RPS6KC1: variants seen among roughly 807,000 people sequenced by gnomAD.
The protein encoded by RPS6KC1 is inactive ribosomal protein S6 kinase delta-1.
In RPS6KC1, 54 loss-of-function variants were observed where a neutral mutation model predicts 103.8. The ratio of observed to expected loss-of-function variants is 0.52; its 90% CI spans 0.42 to 0.65. RPS6KC1 has a LOEUF of 0.65. Among genes scored for constraint, RPS6KC1 ranks in the 30% least tolerant of loss-of-function variants. The pLI is 0.00. For synonymous variants in RPS6KC1, 439 were observed against 438.7 expected (o/e 1.00, Z -0.01); for missense variants, 1,151 against 1,253.8 (o/e 0.92, Z 1.24).
chr1:213,110,722 GTC>G (rs2082937964), intron 4 of RPS6KC1, among the ~76,000 whole-genome samples: 1 of 152,120 alleles, frequency 6.6e-6, no homozygotes, highest in African/African-American at 2.4e-5. Context: ...CCTGTGCACT[GTC>G]TCATGGTTTG....
chr1:213,824,508 G>T, the RPS6KC1 span, among the ~76,000 whole-genome samples: 4 of 152,126 alleles, frequency 2.6e-5, no homozygotes, highest in Non-Finnish European at 5.9e-5. Context: ...GAACCCTCAG[G>T]CTCATGCATT....
the RPS6KC1 span, among the ~76,000 whole-genome samples, chr1:213,393,075 A>G: frequency 6.6e-6 from 1 of 152,254 alleles, no homozygotes; most frequent in Non-Finnish European, 1.5e-5. Context: ...ATGTGGAAAT[A>G]AAACATTTTT....
chr1:213,136,386 G>A (rs1438508078), intron 6 of RPS6KC1, among the ~76,000 whole-genome samples: 2 of 152,100 alleles, frequency 1.3e-5, no homozygotes, highest in Non-Finnish European at 2.9e-5. Context: ...TATCCCTGAT[G>A]CACTGCATGA....
At chr1:213,696,708 AT>A in the RPS6KC1 span, among the ~76,000 whole-genome samples, 1 of 152,212 alleles carries the variant, frequency 6.6e-6, no homozygotes, top group South Asian at 2.1e-4. Context: ...TTATTCTTCA[AT>A]TAATCAGTTG....
At chr1:213,445,445 T>C in the RPS6KC1 span, among the ~76,000 whole-genome samples, 2 of 152,224 alleles carry the variant, frequency 1.3e-5, no homozygotes, top group Non-Finnish European at 2.9e-5. Context: ...TACCCAATAC[T>C]GTGTATGTTT....
the RPS6KC1 span, among the ~76,000 whole-genome samples, chr1:213,738,655 A>C: frequency 6.6e-6 from 1 of 151,974 alleles, no homozygotes; most frequent in Non-Finnish European, 1.5e-5. Context: ...GCTGATGCAC[A>C]ACAGAAATAA....
chr1:213,698,440 T>C, the RPS6KC1 span, among the ~76,000 whole-genome samples: 2 of 152,230 alleles, frequency 1.3e-5, no homozygotes, highest in African/African-American at 4.8e-5. Context: ...CTGAATGTTA[T>C]ATAACTATTG....
the RPS6KC1 span, among the ~76,000 whole-genome samples, chr1:213,544,063 AAAAG>A: frequency 1.3e-5 from 2 of 152,226 alleles, no homozygotes; most frequent in Non-Finnish European, 2.9e-5. Flanking sequence ...TGTGGAAAGA[AAAAG>A]AAAGAAAAGA....
chr1:213,199,821 T>C (rs2093089341), intron 8 of RPS6KC1, among the ~76,000 whole-genome samples: 2 of 152,154 alleles, frequency 1.3e-5, no homozygotes, highest in African/African-American at 2.4e-5. Context: ...CAAAAATCAC[T>C]AGCATTCCTA....
intron 10 of RPS6KC1, among the ~76,000 whole-genome samples, chr1:213,239,616 A>T (rs1427256999): frequency 2.0e-5 from 3 of 152,152 alleles, no homozygotes; most frequent in Non-Finnish European, 2.9e-5. Context: ...CCCTTGGCAT[A>T]TGATGCTTAA....
the RPS6KC1 span, among the ~76,000 whole-genome samples, chr1:213,733,494 C>A: frequency 1.3e-5 from 2 of 151,188 alleles, no homozygotes; most frequent in African/African-American, 4.9e-5. Flanking sequence ...GCTTTGGCCT[C>A]CCAAAGTGAT....
At chr1:213,284,519 A>C in the RPS6KC1 span, among the ~76,000 whole-genome samples, 1 of 152,188 alleles carries the variant, frequency 6.6e-6, no homozygotes, top group Non-Finnish European at 1.5e-5. Context: ...CAGAAAAAAA[A>C]AAAAAGTGAA....
chr1:213,670,754 A>G, the RPS6KC1 span, among the ~76,000 whole-genome samples: 70,210 of 151,958 alleles, frequency 0.46, 16,808 homozygotes, highest in South Asian at 0.7. Flanking sequence ...TGGTGGGGAC[A>G]GGTTCCACTG....
the RPS6KC1 span, among the ~76,000 whole-genome samples, chr1:213,282,843 G>T: frequency 1.5e-4 from 23 of 152,252 alleles, no homozygotes; most frequent in Non-Finnish European, 2.6e-4. Context: ...CTTCGAGGAT[G>T]CAGGTTATTG....
At chr1:213,470,419 G>GAA in the RPS6KC1 span, among the ~76,000 whole-genome samples, 1 of 152,122 alleles carries the variant, frequency 6.6e-6, no homozygotes, top group Admixed American at 6.5e-5. Context: ...TGACCGGATT[G>GAA]AATGTTTCAC....
At chr1:213,835,565 C>A in the RPS6KC1 span, among the ~76,000 whole-genome samples, 1 of 152,164 alleles carries the variant, frequency 6.6e-6, no homozygotes, top group African/African-American at 2.4e-5. Context: ...GCACTAACAT[C>A]CCTCAAGAAA....
chr1:213,065,521 T>G (rs2078251506), intron 1 of RPS6KC1, among the ~76,000 whole-genome samples: 1 of 152,214 alleles, frequency 6.6e-6, no homozygotes, highest in Non-Finnish European at 1.5e-5. Flanking sequence ...ACTCATGGAT[T>G]TTTGCACTCA....
the RPS6KC1 span, among the ~76,000 whole-genome samples, chr1:213,389,409 A>G: frequency 2.6e-5 from 4 of 152,234 alleles, no homozygotes; most frequent in Non-Finnish European, 4.4e-5. Flanking sequence ...CGGGCAGGCC[A>G]GCCAAATGCT....
the RPS6KC1 span, among the ~76,000 whole-genome samples, chr1:213,636,351 C>T: frequency 6.6e-6 from 1 of 152,094 alleles, no homozygotes; most frequent in Non-Finnish European, 1.5e-5. Flanking sequence ...AGGCATCATG[C>T]TGACTTCAAA....
Sources: allele counts gnomAD v4.1 joint callset (sites outside exome capture counted in the v4.1 genomes callset), GRCh38; gene constraint gnomAD v4.1.1; transcripts MANE v1.5; gene names NCBI Gene and HGNC (gene_info 2026-07-23, HGNC 2026-07-21).